AGAP1: variants seen among roughly 807,000 people sequenced by gnomAD.
AGAP1 encodes the protein ArfGAP with GTPase domain, ankyrin repeat and PH domain 1, also known as arf-GAP with GTPase, ANK repeat and PH domain-containing protein 1.
AGAP1 carries 29 observed loss-of-function variants against 105.3 expected under a neutral mutation model. That is an observed-to-expected ratio of 0.28 (90% confidence interval 0.21 to 0.38). AGAP1 has a LOEUF of 0.38. Ranked by LOEUF, AGAP1 falls within the 10% of genes least tolerant of loss-of-function variation. The pLI is 1.00. For synonymous variants in AGAP1, 509 were observed against 485.9 expected (o/e 1.05, Z -0.63); for missense variants, 998 against 1,165.1 (o/e 0.86, Z 2.09).
In AGAP1 at chr2:235,740,997, A is replaced by G; in HGVS notation, c.345A>G (p.Gly115=). ...GRFKKEIVVD[G]QSYLLLIRDE... is the part of the protein sequence containing the mutation. ...TCAAGAAAGAGATTGTCGTTGATGG[A>G]CAGAGCTATCTGCTGCTGATCAGAG... The change falls in exon 4 of 18, where the codon GGA becomes GGG. Residue 115 remains glycine, a synonymous_variant. Transcript: ENST00000304032. The surrounding 1 kb of genome is among the most constrained non-coding windows in gnomAD (Gnocchi z 5.7). The G allele has an allele frequency of 6.2e-7, 1 of 1,614,202 alleles. No homozygotes were observed. The highest frequency in any genetic ancestry group is 1.1e-5 in the South Asian group (1 of 91,086).
At chr2:235,907,342 G>T (rs889775097) in intron 10 of AGAP1, among the ~76,000 whole-genome samples, 8 of 152,116 alleles carry the variant, frequency 5.3e-5, no homozygotes, top group African/African-American at 1.9e-4. Context: ...ACGGTGGCTT[G>T]TGCCTGTAAC....
chr2:235,998,868 T>TTGG (rs760942733), intron 13 of AGAP1, among the ~76,000 whole-genome samples: 65 of 144,552 alleles, frequency 4.5e-4, no homozygotes, highest in African/African-American at 1.2e-3. Flanking sequence ...ATGGTGAGAG[T>TTGG]TGGTGGTGGT....
chr2:235,654,257 T>C lies in AGAP1; in HGVS notation c.164-54922T>C, dbSNP rs6728478. ...TGTGTGCTTAGTGTAGCGTGGGTGTTTGTGTTTTATCGCCTGGCCTCTTTG... is the reference window on the plus strand; with the variant it reads ...TGTGTGCTTAGTGTAGCGTGGGTGTCTGTGTTTTATCGCCTGGCCTCTTTG... On this transcript the variant is annotated intron_variant, in intron 1 of 17. Coordinates refer to ENST00000304032, the MANE Select transcript of AGAP1 (RefSeq NM_001037131.3). Among the ~76,000 whole-genome samples the C allele has an allele frequency of 5.5e-3, 840 of 152,244 alleles. 12 individuals carry two copies. The highest frequency in any genetic ancestry group is 0.019 in the African/African-American group (788 of 41,534).
At chr2:235,686,556 TACACACACACAC>T (rs10700794) in intron 1 of AGAP1, among the ~76,000 whole-genome samples, 37 of 101,824 alleles carry the variant, frequency 3.6e-4, no homozygotes, top group Admixed American at 5.9e-4. Context: ...GATATATATA[TACACACACACAC>T]ACACACACAC....
At chr2:236,059,494 C>T (rs1053604507) in intron 16 of AGAP1, among the ~76,000 whole-genome samples, 17 of 152,022 alleles carry the variant, frequency 1.1e-4, no homozygotes, top group African/African-American at 2.9e-4. Flanking sequence ...CAGTAAGAGA[C>T]CGTCAAATAT....
intron 2 of AGAP1, among the ~76,000 whole-genome samples, chr2:235,713,402 T>C (rs1469551873): frequency 1.3e-5 from 2 of 152,264 alleles, no homozygotes; most frequent in African/African-American, 4.8e-5. Context: ...AGCCTGGCTC[T>C]GAGCCTTAGT....
intron 1 of AGAP1, among the ~76,000 whole-genome samples, chr2:235,671,867 T>A (rs1252965159): frequency 6.6e-6 from 1 of 152,132 alleles, no homozygotes; most frequent in Non-Finnish European, 1.5e-5. Flanking sequence ...AACCTTTTGG[T>A]AGCATTTCGG....
intron 1 of AGAP1, among the ~76,000 whole-genome samples, chr2:235,572,445 T>C (rs1232132815): frequency 6.6e-6 from 1 of 152,094 alleles, no homozygotes; most frequent in Non-Finnish European, 1.5e-5. Flanking sequence ...GTTCCACCAC[T>C]GGGCACCACC....
chr2:235,837,629 T>C (rs1233562270), intron 9 of AGAP1, among the ~76,000 whole-genome samples: 1 of 152,028 alleles, frequency 6.6e-6, no homozygotes, highest in Non-Finnish European at 1.5e-5. Context: ...GATGATGGAG[T>C]CTACCAGTAA....
intron 1 of AGAP1, among the ~76,000 whole-genome samples, chr2:235,512,437 A>G (rs1204396459): frequency 6.6e-6 from 1 of 152,138 alleles, no homozygotes; most frequent in Non-Finnish European, 1.5e-5. Flanking sequence ...ATCTCTACGA[A>G]AAAACAAAAC....
At chr2:235,711,074 C>T (rs1009351233) in intron 2 of AGAP1, among the ~76,000 whole-genome samples, 5 of 152,318 alleles carry the variant, frequency 3.3e-5, no homozygotes, top group East Asian at 1.9e-4. Flanking sequence ...GCTGGTGCTT[C>T]CACCACCGCA....
rs1318238300 is a variant in AGAP1 at position 236,119,321 on chromosome 2, A to C, written c.2115-871A>C. On this transcript the variant is annotated intron_variant, in intron 16 of 17. Coordinates refer to ENST00000304032, the MANE Select transcript of AGAP1 (RefSeq NM_001037131.3). The surrounding 1 kb of genome is among the most constrained non-coding windows in gnomAD (Gnocchi z 6.6). Reference sequence around the variant, plus strand: ...GCCCTGGAACAGTTTCCCCCAAAAAACTCAGCCATTCCTGACATTCTGTCC... The same window carrying C: ...GCCCTGGAACAGTTTCCCCCAAAAACCTCAGCCATTCCTGACATTCTGTCC... Among the ~76,000 whole-genome samples the C allele has an allele frequency of 1.3e-5, 2 of 151,674 alleles. No homozygotes were observed. Among genetic ancestry groups the C allele is most frequent in the Non-Finnish European group, 2.9e-5 (2 of 67,896 alleles).
rs1040766984 is a variant in AGAP1, at chr2:236,035,208, T to C, written c.1646-1353T>C. Among the ~76,000 whole-genome samples the C allele has an allele frequency of 6.6e-6, 1 of 152,104 alleles. No homozygotes were observed. The highest frequency in any genetic ancestry group is 1.5e-5 in the Non-Finnish European group (1 of 68,006). ...TGGTGACAGAGATAAGTAAAGTGGT[T>C]GGCAGGCAGGTAGGTGAAAGTCAGT... On this transcript the variant is annotated intron_variant, in intron 13 of 17. Coordinates refer to ENST00000304032, the MANE Select transcript of AGAP1 (RefSeq NM_001037131.3). This position sits in a 1 kb window ranked among gnomAD's most constrained non-coding sequence, Gnocchi z 4.2.
At chr2:235,513,200 A>G (rs1025836723) in intron 1 of AGAP1, among the ~76,000 whole-genome samples, 4 of 152,132 alleles carry the variant, frequency 2.6e-5, no homozygotes, top group African/African-American at 9.7e-5. Context: ...ACCTCAGGTC[A>G]CGTTTTAACT....
Position 235,750,611 on chromosome 2 carries a change from T to C in AGAP1, c.673+123T>C. 7.1e-7 allele frequency: 1 copy of C among 1,412,538 alleles called. No homozygotes were observed. Among genetic ancestry groups the C allele is most frequent in the South Asian group, 1.2e-5 (1 of 81,278 alleles). The allele number at this position is 1,412,538 out of a possible 1,614,324, so 87.5% of individuals were successfully genotyped here. A position where few individuals can be genotyped will look rare whatever the true frequency, so the allele number is the denominator to read the frequency against. ...AAATATGTCGTTGATGGGTGGGCATTAGTATCGAGAGCAGTCCATTCCAGA... is the reference window on the plus strand; with the variant it reads ...AAATATGTCGTTGATGGGTGGGCATCAGTATCGAGAGCAGTCCATTCCAGA... On this transcript the variant is annotated intron_variant, in intron 6 of 17. Coordinates refer to ENST00000304032, the MANE Select transcript of AGAP1 (RefSeq NM_001037131.3). This position sits in a 1 kb window ranked among gnomAD's most constrained non-coding sequence, Gnocchi z 5.3.
At chr2:235,500,501 C>T (rs1941517023) in intron 1 of AGAP1, among the ~76,000 whole-genome samples, 1 of 152,230 alleles carries the variant, frequency 6.6e-6, no homozygotes, top group Non-Finnish European at 1.5e-5. Context: ...GACTTGGTAT[C>T]ATCTCTGGGC....
intron 1 of AGAP1, among the ~76,000 whole-genome samples, chr2:235,628,250 C>A (rs777104359): frequency 8.5e-5 from 13 of 152,244 alleles, no homozygotes; most frequent in Admixed American, 3.9e-4. Flanking sequence ...TTCAGAGACT[C>A]GGCAACTCAG....
chr2:235,918,506 T>C (rs976355404), intron 11 of AGAP1, among the ~76,000 whole-genome samples: 4 of 152,270 alleles, frequency 2.6e-5, no homozygotes, highest in African/African-American at 9.6e-5. Context: ...TCAGCTTTTA[T>C]GAGCAATGCG....
At chr2:235,847,047 G>A (rs567083089) in intron 9 of AGAP1, among the ~76,000 whole-genome samples, 12 of 152,330 alleles carry the variant, frequency 7.9e-5, no homozygotes, top group African/African-American at 2.4e-4. Context: ...TGCTAGGAGG[G>A]TGGTGCAGAG....
Sources: gnomAD v4.1 joint callset for allele counts (sites outside exome capture counted in the v4.1 genomes callset) on GRCh38, gnomAD v4.1.1 for gene constraint, Gnocchi (gnomAD v3.1) non-coding constraint, MANE v1.5 for transcripts, NCBI Gene and HGNC (gene_info 2026-07-23, HGNC 2026-07-21) for gene names.